AFDN: variants seen among roughly 807,000 people sequenced by gnomAD.
The protein encoded by AFDN is afadin, adherens junction formation factor, also known as afadin.
In AFDN, 68 loss-of-function variants were observed where a neutral mutation model predicts 216.6. The ratio of observed to expected loss-of-function variants is 0.31; its 90% confidence interval spans 0.26 to 0.38. The LOEUF is 0.38. Among genes scored for constraint, AFDN ranks in the 10% least tolerant of loss-of-function variants. The probability of loss-of-function intolerance (pLI) is 1.00; values close to 1 mark genes in which losing one functional copy is unlikely to be tolerated. For synonymous variants in AFDN, 868 were observed against 853.7 expected (o/e 1.02, Z -0.29); for missense variants, 2,136 against 2,342.0 (o/e 0.91, Z 1.82).
chr6:167,964,818 CGAG>C, intron 31 of AFDN: 1 of 1,066,110 alleles, frequency 9.4e-7, no homozygotes, highest in Non-Finnish European at 1.1e-6. Flanking sequence ...AACATTTACT[CGAG>C]GCAGTTTATT....
chr6:167,900,631 G>A (rs1189516404), intron 11 of AFDN, among the ~76,000 whole-genome samples: 3 of 152,192 alleles, frequency 2.0e-5, no homozygotes, highest in Non-Finnish European at 4.4e-5. Flanking sequence ...TTTGCATGGT[G>A]GAAATTTGTT....
At chr6:167,856,530 A>G (rs1211277761) in intron 1 of AFDN, among the ~76,000 whole-genome samples, 1 of 152,174 alleles carries the variant, frequency 6.6e-6, no homozygotes, top group Non-Finnish European at 1.5e-5. Flanking sequence ...ACTCTAATTT[A>G]CTATAGTATT....
chr6:167,851,980 A>G (rs1415701066), intron 1 of AFDN, among the ~76,000 whole-genome samples: 11 of 152,222 alleles, frequency 7.2e-5, no homozygotes, highest in Non-Finnish European at 1.6e-4. Context: ...TTCAAACACA[A>G]ATGAAACTCA....
intron 26 of AFDN, among the ~76,000 whole-genome samples, chr6:167,945,076 G>A (rs9455923): frequency 0.45 from 67,591 of 151,684 alleles, 15,663 homozygotes; most frequent in East Asian, 0.8. Flanking sequence ...CTCTTTTGTA[G>A]TAACACTTGG....
Position 167,935,663 on chromosome 6 carries a change from T to C in AFDN, c.3100-7466T>C, listed in dbSNP as rs565827793. On this transcript the variant is annotated intron_variant, in intron 23 of 33. Coordinates refer to ENST00000683244, the MANE Select transcript of AFDN (RefSeq NM_001386888.1). ...GAATAAATGGACTAAAATGCAATAA[T>C]ATCTTTTCAAATACCATATTTAGGT... is the stretch of plus-strand genomic sequence containing the variant. Among the ~76,000 whole-genome samples, 303 of 152,350 alleles carry C rather than the reference T, an allele frequency of 2.0e-3. 1 individual carries two copies. Among genetic ancestry groups the C allele is most frequent in the African/African-American group, 7.1e-3 (295 of 41,584 alleles).
At chr6:167,827,352 C>CG (rs1426719350) in intron 1 of AFDN, 115 bp downstream of exon 1, 1 of 179,116 alleles carries the variant, frequency 5.6e-6, no homozygotes, top group African/African-American at 2.5e-5. Context: ...CCCCTCCCCC[C>CG]TCCGCCCCTT....
At position 167,835,983 on chromosome 6, in the gene AFDN, CATT is replaced by C. The variant is rs545192230; in HGVS notation, c.105+8752_105+8754del. 2.1e-3 allele frequency among the ~76,000 whole-genome samples: 326 copies of C among 152,228 alleles called. 4 individuals carry two copies. The highest frequency in any genetic ancestry group is 6.9e-3 in the African/African-American group (287 of 41,538). On this transcript the variant is annotated intron_variant, in intron 1 of 33. Transcript: ENST00000683244. ...ATATTTAAAATGTAAACATAGGGCT[CATT>C]ATTATGGAAGTATACATTTCAACAT...
chr6:167,943,661 C>A (rs1794951464), intron 25 of AFDN, among the ~76,000 whole-genome samples, 186 bp downstream of exon 25: 1 of 152,126 alleles, frequency 6.6e-6, no homozygotes, highest in Admixed American at 6.5e-5. Context: ...AGTACAGTTT[C>A]TTTGAAACTT....
At chr6:167,964,240 G>A in intron 31 of AFDN, 1 of 1,064,056 alleles carries the variant, frequency 9.4e-7, no homozygotes, top group Non-Finnish European at 1.1e-6. Flanking sequence ...GGTTTGCTTT[G>A]TTATAGAAAA....
rs965728304 is a variant in AFDN at position 167,952,106 on chromosome 6, C to T, written c.4752C>T (p.Asp1584=). ...GACTCCAGGAGTCGAAGCAGAAGGA[C>T]GAAGATGACGAGGAGGAGGAGGACG... is the stretch of plus-strand genomic sequence containing the variant. The part of the protein sequence containing the change: ...QKRLQESKQK[D]EDDEEEEDDD... Residue 1584 remains aspartate (D), a synonymous_variant, in exon 30 of 34, where the codon GAC becomes GAT. Transcript: ENST00000683244. 12 of 1,613,874 alleles carry T rather than the reference C, an allele frequency of 7.4e-6. 1 individual carries two copies. The highest frequency in any genetic ancestry group is 5.9e-6 in the Non-Finnish European group (7 of 1,180,010).
intron 6 of AFDN, among the ~76,000 whole-genome samples, chr6:167,888,918 ACGTACTGC>A (rs1787210854): frequency 6.6e-6 from 1 of 152,194 alleles, no homozygotes; most frequent in Non-Finnish European, 1.5e-5. Context: ...GTTAACCATT[ACGTACTGC>A]CGTACTGCCT....
At chr6:167,856,555 G>T (rs1782918223) in intron 1 of AFDN, among the ~76,000 whole-genome samples, 1 of 152,036 alleles carries the variant, frequency 6.6e-6, no homozygotes, top group Non-Finnish European at 1.5e-5. Context: ...TAGAAATTGG[G>T]TAATTCACTC....
At chr6:167,909,507 T>G (rs1790124307) in intron 13 of AFDN, among the ~76,000 whole-genome samples, 1 of 152,144 alleles carries the variant, frequency 6.6e-6, no homozygotes, top group Non-Finnish European at 1.5e-5. Flanking sequence ...TTATTATCTA[T>G]ATTAACTTAT....
intron 12 of AFDN, among the ~76,000 whole-genome samples, chr6:167,904,819 C>A (rs1789449559): frequency 6.6e-6 from 1 of 152,202 alleles, no homozygotes; most frequent in South Asian, 2.1e-4. Context: ...CTCTTCCATT[C>A]TACCCAGCTC....
chr6:167,883,370 AT>A (rs1238812145), intron 6 of AFDN, among the ~76,000 whole-genome samples: 1 of 152,190 alleles, frequency 6.6e-6, no homozygotes, highest in Non-Finnish European at 1.5e-5. Flanking sequence ...ATGAGCATTT[AT>A]TTTTGCAGTA....
intron 18 of AFDN, 54 bp from the exon 19 acceptor site, chr6:167,915,114 G>A: frequency 1.9e-6 from 3 of 1,587,064 alleles, no homozygotes; most frequent in South Asian, 2.3e-5. Context: ...ACATTCAAAG[G>A]CTTCTTCCTG....
In AFDN at chr6:167,890,965, C is replaced by T. The variant is rs377762136; in HGVS notation, c.1113C>T (p.Asp371=). ...GKTPKGKERA[D]GSGYGSTLPP... is the part of the protein sequence containing the mutation. ...CACCCAAGGGAAAGGAGAGAGCTGA[C>T]GGGTCTGGCTATGGCTCCACCCTTC... Residue 371 remains aspartate (D), a synonymous_variant, in exon 8 of 34, where the codon GAC becomes GAT. Coordinates refer to ENST00000683244, the MANE Select transcript of AFDN (RefSeq NM_001386888.1). The T allele has an allele frequency of 2.5e-5, 40 of 1,613,906 alleles. No individual in the cohort carries two copies. The highest frequency in any genetic ancestry group is 2.5e-5 in the Non-Finnish European group (30 of 1,179,948).
At chr6:167,930,258 G>A (rs932800099) in intron 23 of AFDN, among the ~76,000 whole-genome samples, 21 of 152,290 alleles carry the variant, frequency 1.4e-4, no homozygotes, top group African/African-American at 4.8e-4. Flanking sequence ...GATTTAGGGA[G>A]ACTAAGCGTG....
intron 1 of AFDN, among the ~76,000 whole-genome samples, chr6:167,853,752 G>A (rs1319778444): frequency 6.6e-6 from 1 of 151,986 alleles, no homozygotes; most frequent in Non-Finnish European, 1.5e-5. Flanking sequence ...GTTGTGCGTT[G>A]TGCTTTTTTC....
Sources: gnomAD v4.1 joint callset for allele counts (sites outside exome capture counted in the v4.1 genomes callset) on GRCh38, gnomAD v4.1.1 for gene constraint, MANE v1.5 for transcripts, NCBI Gene and HGNC (gene_info 2026-07-23, HGNC 2026-07-21) for gene names.